MTDH: variants seen among roughly 807,000 people sequenced by gnomAD.
The protein encoded by MTDH is metadherin.
MTDH carries 34 observed loss-of-function variants against 72.7 expected under a neutral mutation model. The observed-to-expected ratio is 0.47, with a 90% confidence interval of 0.36 to 0.62. The LOEUF (loss-of-function observed/expected upper bound fraction) is 0.62. MTDH is among the 20% of genes least tolerant of loss of function. The probability of loss-of-function intolerance (pLI) is 0.00; values close to 1 mark genes in which losing one functional copy is unlikely to be tolerated. For synonymous variants in MTDH, 266 were observed against 268.9 expected, an observed-to-expected ratio of 0.99 and a Z score of 0.10; for missense variants, 677 against 699.4, an observed-to-expected ratio of 0.97 and a Z score of 0.36.
Position 97,656,850 on chromosome 8 carries a change from A to G in MTDH, c.382-4222A>G, listed in dbSNP as rs1811997726. 3.9e-5 allele frequency among the ~76,000 whole-genome samples: 6 copies of G among 151,976 alleles called. No homozygotes were observed. In the South Asian group the frequency reaches 1.2e-3, roughly 32 times the overall value. On this transcript the variant is annotated intron_variant, in intron 1 of 11. Transcript: ENST00000336273. ...CCCGCTCTCTACTAAAAATACAAAA[A>G]TTAGCCAGGCATGATGACATGTGTC...
intron 1 of MTDH, among the ~76,000 whole-genome samples, chr8:97,645,610 G>C (rs1291678157): frequency 1.3e-5 from 2 of 152,156 alleles, no homozygotes; most frequent in African/African-American, 2.4e-5. Context: ...TTGTGAAATA[G>C]AGTAAAGGGA....
chr8:97,658,010 A>T (rs868286727), intron 1 of MTDH, among the ~76,000 whole-genome samples: 1 of 152,212 alleles, frequency 6.6e-6, no homozygotes, highest in African/African-American at 2.4e-5. Flanking sequence ...ATGAAAGGAC[A>T]CATTGGCTCT....
intron 1 of MTDH, 92 bp from the exon 2 acceptor site, chr8:97,660,978 ATT>A: frequency 1.1e-6 from 1 of 892,338 alleles, no homozygotes; most frequent in Non-Finnish European, 1.7e-6. Flanking sequence ...CAGAGGTAGG[ATT>A]TGATTGTAGT....
intron 1 of MTDH, among the ~76,000 whole-genome samples, chr8:97,654,535 C>T (rs1811893086): frequency 6.6e-6 from 1 of 151,584 alleles, no homozygotes; most frequent in African/African-American, 2.4e-5. Flanking sequence ...TTCTGAATTT[C>T]CTAATTTCTT....
At chr8:97,713,228 GCGC>G (rs1327661654) in intron 8 of MTDH, among the ~76,000 whole-genome samples, 3 of 152,132 alleles carry the variant, frequency 2.0e-5, no homozygotes, top group Admixed American at 6.5e-5. Context: ...GGGACTACAG[GCGC>G]CTGCCATCAC....
At chr8:97,713,159 A>G (rs1814702452) in intron 8 of MTDH, among the ~76,000 whole-genome samples, 1 of 152,098 alleles carries the variant, frequency 6.6e-6, no homozygotes, top group South Asian at 2.1e-4. Flanking sequence ...ATTTCGGCTC[A>G]CTGCAAGCTC....
At chr8:97,666,984 A>G (rs566924231) in intron 2 of MTDH, among the ~76,000 whole-genome samples, 2 of 151,340 alleles carry the variant, frequency 1.3e-5, no homozygotes, top group Non-Finnish European at 2.9e-5. Context: ...GGTGAGATCC[A>G]CCGTACCCTG....
At chr8:97,712,827 G>C (rs1349424500) in intron 8 of MTDH, among the ~76,000 whole-genome samples, 1 of 152,030 alleles carries the variant, frequency 6.6e-6, no homozygotes. Context: ...GCATGTTCTT[G>C]GGTGAAATGT....
intron 6 of MTDH, among the ~76,000 whole-genome samples, chr8:97,697,150 A>ATATATATATATATT: frequency 2.3e-4 from 16 of 68,750 alleles, no homozygotes; most frequent in East Asian, 6.8e-4. Flanking sequence ...ATATATATAT[A>ATATATATATATATT]TTTTTTTTTT....
chr8:97,711,256 GGGAGACTAAGGTA>G (rs1814618871), intron 8 of MTDH, among the ~76,000 whole-genome samples: 1 of 151,732 alleles, frequency 6.6e-6, no homozygotes, highest in Non-Finnish European at 1.5e-5. Flanking sequence ...CCAGCACTTT[GGGAGACTAAGGTA>G]GGAGGATCAC....
chr8:97,693,055 G>T (rs778370469), intron 6 of MTDH, among the ~76,000 whole-genome samples: 1 of 151,916 alleles, frequency 6.6e-6, no homozygotes, highest in Non-Finnish European at 1.5e-5. Flanking sequence ...ATTTCTTAAG[G>T]ACAGAGTCTT....
chr8:97,688,236 T>C (rs929641745), intron 4 of MTDH, among the ~76,000 whole-genome samples: 1 of 152,220 alleles, frequency 6.6e-6, no homozygotes, highest in Non-Finnish European at 1.5e-5. Flanking sequence ...AGTGATACTG[T>C]TCAATTTGCT....
chr8:97,705,382 A>G (rs1179106708), intron 7 of MTDH, among the ~76,000 whole-genome samples: 1 of 151,776 alleles, frequency 6.6e-6, no homozygotes, highest in Non-Finnish European at 1.5e-5. Flanking sequence ...CAGGCAGATC[A>G]CGAGATCAAG....
intron 1 of MTDH, among the ~76,000 whole-genome samples, chr8:97,651,972 A>G (rs1433736859): frequency 3.3e-5 from 5 of 152,104 alleles, no homozygotes; most frequent in Admixed American, 2.0e-4. Flanking sequence ...ACCTCTTCAT[A>G]TCTTCCTCAC....
At position 97,673,345 on chromosome 8, in the gene MTDH, A is replaced by AC. The variant is rs1415120278; in HGVS notation, c.483+12176dup. On this transcript the variant is annotated intron_variant, in intron 2 of 11. Transcript: ENST00000336273. ...AGACGAGCCTGGGCAACATAGTGAG[A>AC]CCCCACCTGTACAAAAAAATTTTTA... Among the ~76,000 whole-genome samples, 9 of 151,700 alleles carry AC rather than the reference A, an allele frequency of 5.9e-5. No homozygotes were observed. In the South Asian group the frequency reaches 1.7e-3, roughly 28 times the overall value.
intron 9 of MTDH, among the ~76,000 whole-genome samples, chr8:97,714,870 G>GGCT (rs1194584836): frequency 9.2e-5 from 14 of 151,898 alleles, no homozygotes; most frequent in African/African-American, 3.4e-4. Context: ...CTGTTGCCCA[G>GGCT]GCTGGAGTGC....
intron 10 of MTDH, among the ~76,000 whole-genome samples, 168 bp from the exon 11 acceptor site, chr8:97,722,708 GTGA>G (rs1815177383): frequency 6.6e-6 from 1 of 152,134 alleles, no homozygotes; most frequent in Non-Finnish European, 1.5e-5. Flanking sequence ...AATGTTGTAG[GTGA>G]TGATTGATTT....
chr8:97,699,481 T>G lies in MTDH; in HGVS notation c.1049-273T>G, dbSNP rs115197990. On this transcript the variant is annotated intron_variant, in intron 6 of 11. Transcript: ENST00000336273. ...AATTTATAGGTAACTTACCAGTTGGTGTATAATACAAAACACAAAATCTAA... is the reference window on the plus strand; with the variant it reads ...AATTTATAGGTAACTTACCAGTTGGGGTATAATACAAAACACAAAATCTAA... Among the ~76,000 whole-genome samples the G allele has an allele frequency of 2.7e-3, 403 of 151,996 alleles. 2 individuals carry two copies. Among genetic ancestry groups the G allele is most frequent in the African/African-American group, 8.8e-3 (367 of 41,470 alleles).
chr8:97,658,902 G>A (rs1437134251), intron 1 of MTDH, among the ~76,000 whole-genome samples: 1 of 152,144 alleles, frequency 6.6e-6, no homozygotes, highest in African/African-American at 2.4e-5. Context: ...CCAGCACTTT[G>A]GGAGGCTGAG....
Sources: allele counts gnomAD v4.1 joint callset (sites outside exome capture counted in the v4.1 genomes callset), GRCh38; gene constraint gnomAD v4.1.1; transcripts MANE v1.5; gene names NCBI Gene and HGNC (gene_info 2026-07-23, HGNC 2026-07-21).